UBE2W: variants seen among roughly 807,000 people sequenced by gnomAD.
The protein encoded by UBE2W is ubiquitin-conjugating enzyme E2 W.
A neutral mutation model predicts 27.2 loss-of-function variants in UBE2W; 18 were observed. The observed-to-expected ratio is 0.66, with a 90% CI of 0.46 to 0.98. UBE2W has a LOEUF of 0.98. Among genes scored for constraint, UBE2W ranks in the 50% least tolerant of loss-of-function variants. The pLI, the probability that UBE2W is intolerant of heterozygous loss-of-function variation, is 0.00. For synonymous variants in UBE2W, 53 were observed against 57.2 expected (o/e 0.93, Z 0.33); for missense variants, 90 against 180.2 (o/e 0.50, Z 2.87).
intron 1 of UBE2W, among the ~76,000 whole-genome samples, chr8:73,871,947 G>A (rs1033463273): frequency 1.3e-5 from 2 of 151,992 alleles, no homozygotes; most frequent in African/African-American, 4.8e-5. Context: ...TGCTGGAGTA[G>A]AGTGGCACAA....
At chr8:73,852,262 T>G (rs1811113631) in intron 1 of UBE2W, among the ~76,000 whole-genome samples, 1 of 152,158 alleles carries the variant, frequency 6.6e-6, no homozygotes, top group African/African-American at 2.4e-5. Flanking sequence ...AGGGTGGGTA[T>G]GCTGTCTACC....
intron 1 of UBE2W, 106 bp from the exon 2 acceptor site, chr8:73,830,578 T>C: frequency 1.2e-6 from 1 of 810,756 alleles, no homozygotes; most frequent in Non-Finnish European, 2.0e-6. Context: ...CTCAAACTCC[T>C]GGGCTCAAGG....
Position 73,787,330 on chromosome 8 carries a change from T to A in UBE2W, c.*6772A>T. The A allele has an allele frequency of 1.0e-6, 1 of 985,382 alleles. No homozygotes were observed. The highest frequency in any genetic ancestry group is 1.2e-6 in the Non-Finnish European group (1 of 829,932). 61.0% of individuals were successfully genotyped at this position (985,382 alleles called of 1,614,324 possible). On this transcript the variant is annotated 3_prime_UTR_variant, in exon 6 of 6. Transcript: ENST00000602593. ...TTAGTGTGAAAATGAGTAAGAAATA[T>A]AGGGAGGACATAAACAGAGTCACTT...
At chr8:73,828,273 A>C (rs527470189) in intron 2 of UBE2W, among the ~76,000 whole-genome samples, 13 of 152,316 alleles carry the variant, frequency 8.5e-5, no homozygotes, top group Non-Finnish European at 1.5e-4. Flanking sequence ...ACTCTGGAGG[A>C]AAAACTGGCT....
At chr8:73,804,064 C>T (rs954397786) in intron 5 of UBE2W, among the ~76,000 whole-genome samples, 1 of 152,082 alleles carries the variant, frequency 6.6e-6, no homozygotes, top group African/African-American at 2.4e-5. Flanking sequence ...CCACGCCCGG[C>T]CACTTCTTTG....
chr8:73,804,455 T>C (rs78280535), intron 5 of UBE2W, among the ~76,000 whole-genome samples: 5,783 of 152,154 alleles, frequency 0.038, 148 homozygotes, highest in Non-Finnish European at 0.061. Flanking sequence ...AGTTTAGAAA[T>C]ACTAGCAGCT....
At chr8:73,869,731 G>C (rs1477918551) in intron 1 of UBE2W, among the ~76,000 whole-genome samples, 1 of 152,020 alleles carries the variant, frequency 6.6e-6, no homozygotes, top group Non-Finnish European at 1.5e-5. Context: ...GGGTATGGTG[G>C]TGCATGCCTG....
chr8:73,844,345 C>T lies in UBE2W; in HGVS notation c.16-13873G>A, dbSNP rs186952466. ...GTATCTTTTGGTGGAGACAGGGTTT[C>T]GCCGTGTTGGCTGGGCTGGTCTCCA... On this transcript the variant is annotated intron_variant, in intron 1 of 5. Coordinates refer to ENST00000602593, the MANE Select transcript of UBE2W (RefSeq NM_018299.6). Among the ~76,000 whole-genome samples, 30 of 152,302 alleles carry T rather than the reference C, an allele frequency of 2.0e-4. 1 individual carries two copies. Among genetic ancestry groups the T allele is most frequent in the Admixed American group, 7.2e-4 (11 of 15,290 alleles).
At position 73,792,235 on chromosome 8, in the gene UBE2W, G is replaced by A. The variant is rs1375364485; in HGVS notation, c.*1867C>T. Reference sequence around the variant, plus strand: ...TAATAAAACTGACAGAGATCATTGTGAGAATTTATCTAGTCAAGATAGAAC... The same window carrying A: ...TAATAAAACTGACAGAGATCATTGTAAGAATTTATCTAGTCAAGATAGAAC... On this transcript the variant is annotated 3_prime_UTR_variant, in exon 6 of 6. Transcript: ENST00000602593. 1.0e-6 allele frequency: 1 copy of A among 985,542 alleles called. No homozygotes were observed. The highest frequency in any genetic ancestry group is 1.7e-5 in the African/African-American group (1 of 57,232). The allele number at this position is 985,542 out of a possible 1,614,324, so 61.0% of individuals were successfully genotyped here.
chr8:73,846,404 A>G (rs1175761140), intron 1 of UBE2W, among the ~76,000 whole-genome samples: 2 of 152,196 alleles, frequency 1.3e-5, no homozygotes, highest in Non-Finnish European at 2.9e-5. Flanking sequence ...CTCAAAAAGA[A>G]AAAGAAAAAG....
At chr8:73,806,150 G>A (rs928102390) in intron 4 of UBE2W, among the ~76,000 whole-genome samples, 13 of 151,836 alleles carry the variant, frequency 8.6e-5, no homozygotes, top group Non-Finnish European at 1.6e-4. Context: ...CGAGACTCTC[G>A]TCTCAAAACA....
At chr8:73,847,550 TTA>T (rs1302001147) in intron 1 of UBE2W, among the ~76,000 whole-genome samples, 1 of 152,154 alleles carries the variant, frequency 6.6e-6, no homozygotes, top group Non-Finnish European at 1.5e-5. Context: ...TGTAGCAGCA[TTA>T]TATGTGACCA....
intron 1 of UBE2W, among the ~76,000 whole-genome samples, chr8:73,850,209 A>G (rs1811013072): frequency 6.6e-6 from 1 of 152,246 alleles, no homozygotes; most frequent in African/African-American, 2.4e-5. Flanking sequence ...AGGAAATATA[A>G]TAGAACCATA....
At chr8:73,845,052 G>A (rs1204817413) in intron 1 of UBE2W, among the ~76,000 whole-genome samples, 4 of 144,924 alleles carry the variant, frequency 2.8e-5, no homozygotes, top group Non-Finnish European at 5.9e-5. Context: ...CATCCGGGAG[G>A]TGGCCAGCCC....
Position 73,800,449 on chromosome 8 carries a change from GA to G in UBE2W, c.442+5201del, listed in dbSNP as rs563067895. Among the ~76,000 whole-genome samples, 533 of 147,958 alleles carry G rather than the reference GA, an allele frequency of 3.6e-3. 2 individuals carry two copies. Among genetic ancestry groups the G allele is most frequent in the Non-Finnish European group, 5.5e-3 (364 of 66,670 alleles). ...ATTTTAAACAAAATTATCTGTAAAT[GA>G]AAAAAAAAAATTTATGTACCCAGGA... On this transcript the variant is annotated intron_variant, in intron 5 of 5. Transcript: ENST00000602593.
chr8:73,824,814 T>C (rs1809765765), intron 3 of UBE2W, among the ~76,000 whole-genome samples: 1 of 152,220 alleles, frequency 6.6e-6, no homozygotes, highest in African/African-American at 2.4e-5. Context: ...ACCTCCTGTG[T>C]GGCCCGACTC....
intron 1 of UBE2W, among the ~76,000 whole-genome samples, chr8:73,873,772 T>C (rs1299814767): frequency 6.6e-6 from 1 of 152,156 alleles, no homozygotes; most frequent in Non-Finnish European, 1.5e-5. Context: ...CCTCCTTCCA[T>C]CCCTACAAAT....
At chr8:73,852,068 G>C (rs1411832908) in intron 1 of UBE2W, among the ~76,000 whole-genome samples, 1 of 150,366 alleles carries the variant, frequency 6.7e-6, no homozygotes, top group Non-Finnish European at 1.5e-5. Context: ...AGGGAGGGGA[G>C]AGGAAAGAGG....
chr8:73,848,494 G>T (rs1810912735), intron 1 of UBE2W, among the ~76,000 whole-genome samples: 1 of 152,034 alleles, frequency 6.6e-6, no homozygotes, highest in African/African-American at 2.4e-5. Flanking sequence ...AACTAGCCTG[G>T]GCAACACAGG....
Sources: allele counts gnomAD v4.1 joint callset (sites outside exome capture counted in the v4.1 genomes callset), GRCh38; gene constraint gnomAD v4.1.1; transcripts MANE v1.5; gene names NCBI Gene and HGNC (gene_info 2026-07-23, HGNC 2026-07-21).